Variants in TAPBPL observed in about 807,000 individuals in gnomAD.
TAPBPL encodes the protein tapasin-related protein.
In TAPBPL, 32 loss-of-function variants were observed where a neutral mutation model predicts 44.8. That is an observed-to-expected ratio of 0.71 (90% CI 0.54 to 0.96). The LOEUF (loss-of-function observed/expected upper bound fraction) is 0.96, where lower values mean the gene tolerates loss of function less well. TAPBPL is among the 40% of genes least tolerant of loss of function. TAPBPL has a pLI of 0.00. For synonymous variants in TAPBPL, 230 were observed against 240.7 expected (o/e 0.96, Z 0.41); for missense variants, 520 against 586.6 (o/e 0.89, Z 1.17).
At chr12:6,452,756 T>C in intron 1 of TAPBPL, 1 of 601,186 alleles carries the variant, frequency 1.7e-6, no homozygotes, top group East Asian at 3.7e-5. Flanking sequence ...GGCACTTGCT[T>C]GTTTTCTGAG....
At chr12:6,457,979 C>A (rs1180059410) in intron 4 of TAPBPL, among the ~76,000 whole-genome samples, 1 of 152,154 alleles carries the variant, frequency 6.6e-6, no homozygotes, top group Non-Finnish European at 1.5e-5. Context: ...CCTGCTGTGG[C>A]TGGCTGTCTC....
chr12:6,460,515 C>A (rs1949826655), intron 5 of TAPBPL, among the ~76,000 whole-genome samples: 2 of 152,326 alleles, frequency 1.3e-5, no homozygotes, highest in South Asian at 2.1e-4. Context: ...GATCCACCTA[C>A]CTCAGCCTCC....
downstream of TAPBPL, chr12:6,462,790 G>A: frequency 6.3e-7 from 1 of 1,579,712 alleles, no homozygotes; most frequent in South Asian, 1.2e-5. Flanking sequence ...AGACCTTCGA[G>A]GGGGGCCGTT....
At chr12:6,464,991 A>G, downstream of TAPBPL, 1 of 1,609,992 alleles carries the variant, frequency 6.2e-7, no homozygotes. Context: ...GGAATGAGGA[A>G]AAGAGCCACA....
intron 3 of TAPBPL, among the ~76,000 whole-genome samples, chr12:6,454,482 C>T (rs1323067456): frequency 6.6e-6 from 1 of 152,118 alleles, no homozygotes; most frequent in Non-Finnish European, 1.5e-5. Context: ...ACAACAACAA[C>T]AACAAAAACC....
downstream of TAPBPL, chr12:6,464,004 C>T: frequency 4.6e-6 from 6 of 1,292,252 alleles, no homozygotes; most frequent in Non-Finnish European, 6.1e-6. Context: ...GGAAGGAAAG[C>T]TCCACATGAC....
chr12:6,452,385 A>T, intron 1 of TAPBPL, 73 bp downstream of exon 1: 1 of 1,521,870 alleles, frequency 6.6e-7, no homozygotes, highest in South Asian at 1.2e-5. Context: ...CCTCCCCGAG[A>T]TTCCAGAAGA....
chr12:6,455,819 G>A (rs1156907658), intron 3 of TAPBPL, among the ~76,000 whole-genome samples: 1 of 150,480 alleles, frequency 6.6e-6, no homozygotes, highest in African/African-American at 2.5e-5. Flanking sequence ...GGAGTGCAGT[G>A]GCATGATCTT....
rs184089735 is a variant in TAPBPL, at chr12:6,452,210, A to G, written c.-39A>G. ...TCGCAAGCAGCGTAGGACTGTGGAGAAGGGCGGTGGGCAAGGAGGGAACTC... is the reference window on the plus strand; with the variant it reads ...TCGCAAGCAGCGTAGGACTGTGGAGGAGGGCGGTGGGCAAGGAGGGAACTC... On this transcript the variant is annotated 5_prime_UTR_variant, in exon 1 of 7. Coordinates refer to ENST00000266556, the MANE Select transcript of TAPBPL (RefSeq NM_018009.5). 1 of 1,558,802 alleles carries G rather than the reference A, an allele frequency of 6.4e-7. No homozygotes were observed. Among genetic ancestry groups the G allele is most frequent in the East Asian group, 2.3e-5 (1 of 42,626 alleles).
chr12:6,458,012 C>T (rs1017548021), intron 4 of TAPBPL, among the ~76,000 whole-genome samples: 1 of 152,158 alleles, frequency 6.6e-6, no homozygotes, highest in African/African-American at 2.4e-5. Flanking sequence ...CCTTTTGGAC[C>T]ACATCCTGAG....
At chr12:6,463,501 A>G, downstream of TAPBPL, 1 of 1,038,484 alleles carries the variant, frequency 9.6e-7, no homozygotes, top group East Asian at 9.4e-5. This position sits in a 1 kb window ranked among gnomAD's most constrained non-coding sequence, Gnocchi z 4.0. Context: ...TCCTTCATCA[A>G]CAGGAAGAGA....
At chr12:6,470,609 A>G, downstream of TAPBPL, 1 of 1,590,038 alleles carries the variant, frequency 6.3e-7, no homozygotes, top group Non-Finnish European at 8.6e-7. Flanking sequence ...GCTGCGGCTG[A>G]AGTGGACGGA....
chr12:6,459,027 T>G, intron 5 of TAPBPL, 80 bp downstream of exon 5: 2 of 1,481,982 alleles, frequency 1.3e-6, no homozygotes, highest in Non-Finnish European at 1.8e-6. Flanking sequence ...ATGGCCTTGT[T>G]CTGCTGCCCA....
chr12:6,464,839 T>G, downstream of TAPBPL: 1 of 1,612,868 alleles, frequency 6.2e-7, no homozygotes, highest in Non-Finnish European at 8.5e-7. Flanking sequence ...GGGAGAAGAC[T>G]CCAGGACCTT....
At chr12:6,457,814 G>C (rs557638949) in intron 4 of TAPBPL, 70 bp downstream of exon 4, 1 of 1,426,070 alleles carries the variant, frequency 7.0e-7, no homozygotes, top group African/African-American at 1.4e-5. Context: ...TCCAGATTGG[G>C]ACCCAAATGC....
At position 6,462,233 on chromosome 12, in the gene TAPBPL, C is replaced by A. The variant is rs1949889872; in HGVS notation, c.*84C>A. 2.5e-6 allele frequency: 3 copies of A among 1,183,942 alleles called. No individual in the cohort carries two copies. The highest frequency in any genetic ancestry group is 1.4e-5 in the South Asian group (1 of 69,590). 73.3% of individuals were successfully genotyped at this position (1,183,942 alleles called of 1,614,324 possible). ...TACTCCAACCCAAACAACAACCAAG[C>A]CAGTTTAATGGTAGGAATTTGTATT... On this transcript the variant is annotated 3_prime_UTR_variant, in exon 7 of 7. Transcript: ENST00000266556.
intron 3 of TAPBPL, 109 bp from the exon 4 acceptor site, chr12:6,457,297 T>A: frequency 2.9e-6 from 3 of 1,045,780 alleles, no homozygotes; most frequent in Non-Finnish European, 4.1e-6. Context: ...AACCGGCCTG[T>A]CAGGCGAGGA....
At chr12:6,464,075 G>C, downstream of TAPBPL, 1 of 1,302,290 alleles carries the variant, frequency 7.7e-7, no homozygotes, top group South Asian at 1.2e-5. Context: ...CCAGTGGCCA[G>C]GTTTTCTAGA....
rs1565517638 is a variant in TAPBPL at position 6,457,440 on chromosome 12, GAGCTTCCTGCTGGGGTCCTC to G, written c.604_623del (p.Phe202LeufsTer97). ...AGGTGATGACACAGACCCAATCCCT[GAGCTTCCTGCTGGGGTCCTC>G]AGCCTCCTTGGACTGTGGCTTCTCC... On this transcript the variant is annotated frameshift_variant, in exon 4 of 7. Coordinates refer to ENST00000266556, the MANE Select transcript of TAPBPL (RefSeq NM_018009.5). LOFTEE classifies it high-confidence loss of function. 26 of 1,614,162 alleles carry G rather than the reference GAGCTTCCTGCTGGGGTCCTC, an allele frequency of 1.6e-5. No individual in the cohort carries two copies. Among genetic ancestry groups the G allele is most frequent in the Non-Finnish European group, 2.0e-5 (24 of 1,180,022 alleles).
Sources: gnomAD v4.1 joint callset for allele counts (sites outside exome capture counted in the v4.1 genomes callset) on GRCh38, gnomAD v4.1.1 for gene constraint, Gnocchi (gnomAD v3.1) non-coding constraint, MANE v1.5 for transcripts, NCBI Gene and HGNC (gene_info 2026-07-23, HGNC 2026-07-21) for gene names.